The following ADAMTS2 variants were observed in gnomAD, a reference collection of about 807,000 sequenced individuals.
ADAMTS2 encodes A disintegrin and metalloproteinase with thrombospondin motifs 2.
A neutral mutation model predicts 123.0 loss-of-function variants in ADAMTS2; 50 were observed. The ratio of observed to expected loss-of-function variants is 0.41; its 90% confidence interval spans 0.32 to 0.51. The LOEUF (loss-of-function observed/expected upper bound fraction) is 0.51, where lower values mean the gene tolerates loss of function less well. ADAMTS2 is among the 20% of genes least tolerant of loss of function. The pLI is 0.35. For missense variants in ADAMTS2, 1,494 were observed against 1,705.2 expected, an observed-to-expected ratio of 0.88 and a Z score of 2.18; for synonymous variants, 678 against 695.4, an observed-to-expected ratio of 0.98 and a Z score of 0.39.
At chr5:179,201,066 T>A (rs11749201) in intron 4 of ADAMTS2, among the ~76,000 whole-genome samples, 15,018 of 152,256 alleles carry the variant, frequency 0.099, 920 homozygotes, top group South Asian at 0.15. Flanking sequence ...AAAACTTATC[T>A]CCGTTGTAAT....
intron 21 of ADAMTS2, 84 bp from the exon 22 acceptor site, chr5:179,114,408 G>A: frequency 1.4e-6 from 2 of 1,404,330 alleles, no homozygotes; most frequent in African/African-American, 1.4e-5. Flanking sequence ...TGCTGGAGGA[G>A]GCATATGGAA....
In ADAMTS2 at chr5:179,308,292, T is replaced by A. The variant is rs975815945; in HGVS notation, c.535-35228A>T. Among the ~76,000 whole-genome samples the A allele has an allele frequency of 7.9e-5, 12 of 152,194 alleles. No individual in the cohort carries two copies. Among genetic ancestry groups the A allele is most frequent in the Non-Finnish European group, 1.6e-4 (11 of 68,042 alleles). ...TTAGCAGCAGGAGACGCTGATGGGA[T>A]GTCGGGAGTCACCAGGACCATCTGA... On this transcript the variant is annotated intron_variant, in intron 2 of 21. Coordinates refer to ENST00000251582, the MANE Select transcript of ADAMTS2 (RefSeq NM_014244.5). This position sits in a 1 kb window ranked among gnomAD's most constrained non-coding sequence, Gnocchi z 6.6.
In ADAMTS2 at chr5:179,140,017, A is replaced by G. The variant is rs112921771; in HGVS notation, c.1648T>C (p.Cys550Arg). 6 of 1,613,924 alleles carry G rather than the reference A, an allele frequency of 3.7e-6. No homozygotes were observed. Among genetic ancestry groups the G allele is most frequent in the Non-Finnish European group, 5.1e-6 (6 of 1,179,944 alleles). ...AGGATGTCAGGTGTCAGCCAGATGCAGTGTCCTTTAAAACAATGCTGAAAG... is the reference window on the plus strand; with the variant it reads ...AGGATGTCAGGTGTCAGCCAGATGCGGTGTCCTTTAAAACAATGCTGAAAG... The part of the protein sequence containing the change: ...APGKHCFKGH[C>R]IWLTPDILKR... The change falls in exon 11 of 22, where the codon TGC becomes CGC. Residue 550 changes from cysteine to arginine, a missense_variant. Physicochemically the swap from Cys to Arg is radical, Grantham distance 180. Around this residue, in one of 6 missense-constraint regions of ADAMTS2, gnomAD observed 953 missense variants for 1,124.7 expected, o/e 0.85. Coordinates refer to ENST00000251582, the MANE Select transcript of ADAMTS2 (RefSeq NM_014244.5).
At chr5:179,229,005 G>A (rs1765350537) in intron 3 of ADAMTS2, among the ~76,000 whole-genome samples, 1 of 152,190 alleles carries the variant, frequency 6.6e-6, no homozygotes, top group Non-Finnish European at 1.5e-5. Flanking sequence ...TCTGGTCCCA[G>A]CAAAGCTACC....
At position 179,242,152 on chromosome 5, in the gene ADAMTS2, T is replaced by G. The variant is rs116342625; in HGVS notation, c.688+30759A>C. ...GCTCAGTAAGCTCACAGCGTAGGCC[T>G]GGGGCTGCGTATGTGAAGAGCCAAT... On this transcript the variant is annotated intron_variant, in intron 3 of 21. Transcript: ENST00000251582. This position sits in a 1 kb window ranked among gnomAD's most constrained non-coding sequence, Gnocchi z 4.2. Among the ~76,000 whole-genome samples the G allele has an allele frequency of 0.037, 5,565 of 152,268 alleles. 137 individuals carry two copies. Among genetic ancestry groups the G allele is most frequent in the Non-Finnish European group, 0.059 (4,025 of 68,014 alleles).
chr5:179,126,650 T>C (rs1199029449), intron 17 of ADAMTS2, among the ~76,000 whole-genome samples: 2 of 152,220 alleles, frequency 1.3e-5, no homozygotes, highest in African/African-American at 4.8e-5. Context: ...AGGATGCTGC[T>C]TGACACCCCA....
intron 12 of ADAMTS2, 140 bp downstream of exon 12, chr5:179,137,629 C>T: frequency 8.3e-7 from 1 of 1,202,264 alleles, no homozygotes. Flanking sequence ...AGGGCAGCCA[C>T]ACCAGCCAGG....
At chr5:179,191,053 A>T (rs1458001363) in intron 4 of ADAMTS2, among the ~76,000 whole-genome samples, 1 of 152,252 alleles carries the variant, frequency 6.6e-6, no homozygotes, top group Non-Finnish European at 1.5e-5. Context: ...CGGATGCCTC[A>T]TCAGAAAGGG....
chr5:179,311,655 T>C (rs1756835303), intron 2 of ADAMTS2, among the ~76,000 whole-genome samples: 1 of 152,178 alleles, frequency 6.6e-6, no homozygotes, highest in Non-Finnish European at 1.5e-5. Flanking sequence ...TCTGGTGATG[T>C]CTGGTCACCC....
At chr5:179,184,100 G>C (rs1032287959) in intron 4 of ADAMTS2, among the ~76,000 whole-genome samples, 9 of 152,148 alleles carry the variant, frequency 5.9e-5, no homozygotes, top group African/African-American at 1.7e-4. Flanking sequence ...AGCCCAAGCG[G>C]AATGAGACAA....
chr5:179,203,353 A>G (rs1033304376), intron 4 of ADAMTS2, among the ~76,000 whole-genome samples: 1 of 152,190 alleles, frequency 6.6e-6, no homozygotes, highest in Non-Finnish European at 1.5e-5. Flanking sequence ...CACCTGCTCT[A>G]CAGCTCCAGA....
At chr5:179,171,576 C>T (rs1763814848) in intron 5 of ADAMTS2, among the ~76,000 whole-genome samples, 1 of 152,224 alleles carries the variant, frequency 6.6e-6, no homozygotes, top group Non-Finnish European at 1.5e-5. Context: ...GCAGTCTACA[C>T]TCAGCTGATC....
At chr5:179,200,355 T>C (rs1457930783) in intron 4 of ADAMTS2, among the ~76,000 whole-genome samples, 1 of 150,676 alleles carries the variant, frequency 6.6e-6, no homozygotes, top group East Asian at 1.9e-4. Context: ...TTCAAGCCAT[T>C]CTCCTGCCTC....
At chr5:179,266,069 C>G (rs1766362232) in intron 3 of ADAMTS2, among the ~76,000 whole-genome samples, 1 of 152,206 alleles carries the variant, frequency 6.6e-6, no homozygotes, top group Non-Finnish European at 1.5e-5. Flanking sequence ...TGGGGAGTCA[C>G]TTGGGAAGTG....
intron 21 of ADAMTS2, 61 bp downstream of exon 21, chr5:179,121,600 C>T: frequency 7.2e-7 from 1 of 1,390,072 alleles, no homozygotes; most frequent in Non-Finnish European, 9.9e-7. Flanking sequence ...CCAAGGCAAG[C>T]TCCACAGGGC....
chr5:179,186,746 G>A (rs1764180034), intron 4 of ADAMTS2, among the ~76,000 whole-genome samples: 1 of 152,084 alleles, frequency 6.6e-6, no homozygotes, highest in Admixed American at 6.5e-5. Context: ...CCTGCCTCCT[G>A]CACATCCCCC....
Position 179,158,808 on chromosome 5 carries a change from C to T in ADAMTS2, c.1047G>A (p.Gln349=), listed in dbSNP as rs1763535581. The T allele has an allele frequency of 1.2e-6, 2 of 1,614,108 alleles. No homozygotes were observed. Among genetic ancestry groups the T allele is most frequent in the South Asian group, 2.2e-5 (2 of 91,096 alleles). Residue 349 remains glutamine, a synonymous_variant, in exon 6 of 22, where the codon CAG becomes CAA. Transcript: ENST00000251582. This position sits in a 1 kb window ranked among gnomAD's most constrained non-coding sequence, Gnocchi z 5.0. ...CATCGTGGCCCGTGTCTGGCTTCTG[C>T]TGGAGGTAGGCCCAGCGGCAGACAT... ...LENVCRWAYL[Q]QKPDTGHDEY... is the part of the protein sequence containing the mutation.
intron 3 of ADAMTS2, among the ~76,000 whole-genome samples, chr5:179,219,595 G>T (rs766845961): frequency 1.3e-5 from 2 of 152,320 alleles, no homozygotes; most frequent in East Asian, 3.9e-4. Flanking sequence ...TCCCAGATAC[G>T]TGTCCTTGGG....
rs1193131532 is a variant in ADAMTS2, at chr5:179,112,185, A to C, written c.*1682T>G. On this transcript the variant is annotated 3_prime_UTR_variant, in exon 22 of 22. Transcript: ENST00000251582. ...AGGTAGCCACTATGCTGTTATCCTG[A>C]GCCTCATCCATATAATGGGGAAATA... 2 of 152,240 alleles carry C rather than the reference A, an allele frequency of 1.3e-5. No homozygotes were observed. Among genetic ancestry groups the C allele is most frequent in the Non-Finnish European group, 2.9e-5 (2 of 68,048 alleles). 9.4% of individuals were successfully genotyped at this position (152,240 alleles called of 1,614,324 possible).
Sources: gnomAD v4.1 joint callset for allele counts (sites outside exome capture counted in the v4.1 genomes callset) on GRCh38, gnomAD v4.1.1 for gene constraint, gnomAD v4.1.1 regional missense constraint, Gnocchi (gnomAD v3.1) non-coding constraint, MANE v1.5 for transcripts, NCBI Gene and HGNC (gene_info 2026-07-23, HGNC 2026-07-21) for gene names.